Variants in MAML3 observed in about 807,000 individuals in gnomAD.
MAML3 encodes the protein mastermind-like protein 3.
A neutral mutation model predicts 101.9 loss-of-function variants in MAML3; 27 were observed. That is an observed-to-expected ratio of 0.27 (90% CI 0.20 to 0.37). The LOEUF is 0.37. Among genes scored for constraint, MAML3 ranks in the 10% least tolerant of loss-of-function variants. MAML3 has a pLI of 1.00. For missense variants in MAML3, 1,316 were observed against 1,444.9 expected (o/e 0.91, Z 1.45); for synonymous variants, 501 against 555.9 (o/e 0.90, Z 1.39).
At chr4:140,152,588 C>T (rs1370769721) in intron 1 of MAML3, among the ~76,000 whole-genome samples, 1 of 151,882 alleles carries the variant, frequency 6.6e-6, no homozygotes, top group Non-Finnish European at 1.5e-5. Flanking sequence ...CACTCCGACG[C>T]TCCTCTAGGC....
chr4:139,786,748 A>C (rs1451027435), intron 2 of MAML3, among the ~76,000 whole-genome samples: 1 of 152,186 alleles, frequency 6.6e-6, no homozygotes, highest in East Asian at 1.9e-4. Context: ...GTAGTTACTT[A>C]TATTTGGGAA....
chr4:139,890,931 G>T lies in MAML3; in HGVS notation c.505C>A (p.Arg169=). 1.2e-6 allele frequency: 2 copies of T among 1,613,094 alleles called. No homozygotes were observed. Among genetic ancestry groups the T allele is most frequent in the East Asian group, 4.5e-5 (2 of 44,880 alleles). ...ETVKRKLEGA[R]SPLNGDQQNG... ...TGCTGGTCTCCATTAAGTGGTGATC[G>T]AGCTCCTTCCAACTTCCTTTTCACA... The change falls in exon 2 of 5, where the codon CGA becomes AGA. Residue 169 remains arginine, a synonymous_variant. Transcript: ENST00000509479. This position sits in a 1 kb window ranked among gnomAD's most constrained non-coding sequence, Gnocchi z 4.1.
At chr4:140,069,331 AGAAGG>A (rs1727590827) in intron 1 of MAML3, among the ~76,000 whole-genome samples, 1 of 40,868 alleles carries the variant, frequency 2.4e-5, no homozygotes, top group Non-Finnish European at 5.6e-5. Context: ...AAGAAGAAGG[AGAAGG>A]AGAAGGAGAA....
chr4:140,131,416 A>C (rs1657792254), intron 1 of MAML3, among the ~76,000 whole-genome samples: 1 of 152,050 alleles, frequency 6.6e-6, no homozygotes, highest in African/African-American at 2.4e-5. Flanking sequence ...TCTCCTGCAG[A>C]CCTCCATGCT....
intron 2 of MAML3, chr4:139,731,435 TAAAAAAAAAAAAAAAAAAAAAA>T (rs70943437): frequency 2.6e-5 from 1 of 38,718 alleles, no homozygotes; most frequent in Non-Finnish European, 5.0e-5. Context: ...CTGTCTCTAC[TAAAAAAAAAAAAAAAAAAAAAA>T]AAAAAAAAAA....
chr4:140,122,274 T>G (rs1294660028), intron 1 of MAML3, among the ~76,000 whole-genome samples: 1 of 145,662 alleles, frequency 6.9e-6, no homozygotes, highest in Non-Finnish European at 1.5e-5. Flanking sequence ...CAGGCTGGAG[T>G]GCAATAGCGC....
intron 1 of MAML3, among the ~76,000 whole-genome samples, chr4:139,955,665 C>A (rs544426379): frequency 3.3e-5 from 5 of 152,298 alleles, no homozygotes; most frequent in African/African-American, 1.2e-4. Flanking sequence ...AAATGGACCA[C>A]CTAAAAGCCT....
intron 1 of MAML3, among the ~76,000 whole-genome samples, chr4:139,978,517 T>C (rs1240589220): frequency 6.6e-6 from 1 of 151,626 alleles, no homozygotes; most frequent in African/African-American, 2.4e-5. Flanking sequence ...TGGCAGAGGA[T>C]GGCGTCTCTG....
At chr4:139,986,166 C>T (rs1372108422) in intron 1 of MAML3, among the ~76,000 whole-genome samples, 3 of 152,166 alleles carry the variant, frequency 2.0e-5, no homozygotes, top group East Asian at 1.9e-4. Context: ...GGGTTTTTTC[C>T]GAGTTTCGTT....
At chr4:139,946,639 T>C (rs1733731203) in intron 1 of MAML3, among the ~76,000 whole-genome samples, 1 of 152,158 alleles carries the variant, frequency 6.6e-6, no homozygotes, top group Non-Finnish European at 1.5e-5. Flanking sequence ...ATTTGTGCAT[T>C]GCTTAAACAA....
At chr4:139,744,760 T>G (rs1021450821) in intron 2 of MAML3, among the ~76,000 whole-genome samples, 1 of 151,980 alleles carries the variant, frequency 6.6e-6, no homozygotes, top group African/African-American at 2.4e-5. Flanking sequence ...AAGGTGCACT[T>G]CACGGAAAAG....
chr4:139,747,931 A>G (rs1290306474), intron 2 of MAML3, among the ~76,000 whole-genome samples: 1 of 141,750 alleles, frequency 7.1e-6, no homozygotes, highest in East Asian at 2.3e-4. Flanking sequence ...GTGGATGCCT[A>G]TAATCCCAGC....
intron 2 of MAML3, among the ~76,000 whole-genome samples, chr4:139,871,090 A>G (rs1054886001): frequency 1.3e-5 from 2 of 152,108 alleles, no homozygotes; most frequent in Admixed American, 6.5e-5. Context: ...TCATTTTTTC[A>G]TGGTATATCA....
intron 1 of MAML3, among the ~76,000 whole-genome samples, chr4:139,919,387 T>A (rs1733082663): frequency 6.6e-6 from 1 of 152,236 alleles, no homozygotes. Context: ...TTAAATCCCA[T>A]TTTATTTTGA....
intron 1 of MAML3, among the ~76,000 whole-genome samples, chr4:140,149,288 C>A (rs1317162588): frequency 6.6e-6 from 1 of 152,138 alleles, no homozygotes; most frequent in Non-Finnish European, 1.5e-5. Context: ...TCAGAACGGA[C>A]CTAATACCTG....
chr4:140,066,316 T>C (rs1186809863), intron 1 of MAML3, among the ~76,000 whole-genome samples: 1 of 152,214 alleles, frequency 6.6e-6, no homozygotes, highest in African/African-American at 2.4e-5. Context: ...CAGGAGTAAC[T>C]ACATCATTAA....
intron 1 of MAML3, among the ~76,000 whole-genome samples, chr4:140,121,693 G>C (rs1728608519): frequency 6.6e-6 from 1 of 152,134 alleles, no homozygotes; most frequent in African/African-American, 2.4e-5. Flanking sequence ...AAATATACTA[G>C]AGGTATTTAT....
intron 1 of MAML3, among the ~76,000 whole-genome samples, chr4:140,049,613 A>G (rs1267095923): frequency 1.3e-5 from 2 of 152,212 alleles, no homozygotes; most frequent in African/African-American, 4.8e-5. Context: ...GGAAGAGCAA[A>G]GACTGGACAG....
intron 1 of MAML3, among the ~76,000 whole-genome samples, chr4:139,968,202 TC>T (rs1193880385): frequency 3.3e-5 from 5 of 150,076 alleles, no homozygotes; most frequent in African/African-American, 1.2e-4. Context: ...CATTTTTAAG[TC>T]AGGAGGCTAA....
Sources: allele counts gnomAD v4.1 joint callset (sites outside exome capture counted in the v4.1 genomes callset), GRCh38; gene constraint gnomAD v4.1.1; non-coding constraint Gnocchi (gnomAD v3.1); transcripts MANE v1.5; gene names NCBI Gene and HGNC (gene_info 2026-07-23, HGNC 2026-07-21).